The following CEP63 variants were observed in gnomAD, a reference collection of about 807,000 sequenced individuals.
CEP63 encodes centrosomal protein 63, also known as centrosomal protein of 63 kDa.
In CEP63, 84 loss-of-function variants were observed where a neutral mutation model predicts 89.1. That is an observed-to-expected ratio of 0.94 (90% CI 0.79 to 1.13). The LOEUF (loss-of-function observed/expected upper bound fraction) is 1.13, where lower values mean the gene tolerates loss of function less well. Ranked by LOEUF, CEP63 falls within the 50% of genes most tolerant of loss-of-function variation. The pLI, the probability that CEP63 is intolerant of heterozygous loss-of-function variation, is 0.00. For missense variants in CEP63, 838 were observed against 813.3 expected (o/e 1.03, Z -0.37); for synonymous variants, 267 against 272.5 (o/e 0.98, Z 0.20).
intron 2 of CEP63, 107 bp from the exon 3 acceptor site, chr3:134,507,002 A>G (rs1943626400): frequency 1.4e-6 from 1 of 708,906 alleles, no homozygotes; most frequent in Non-Finnish European, 2.5e-6. Context: ...ATGTCATTTA[A>G]TTATTTACTT....
At chr3:134,689,246 G>C in the CEP63 span, among the ~76,000 whole-genome samples, 4 of 151,660 alleles carry the variant, frequency 2.6e-5, no homozygotes, top group Non-Finnish European at 5.9e-5. Flanking sequence ...TAGCCAAAAT[G>C]ATGAGGAAGC....
At chr3:134,589,742 G>T (rs778311510), downstream of CEP63, among the ~76,000 whole-genome samples, 22 of 152,158 alleles carry the variant, frequency 1.4e-4, no homozygotes, top group Non-Finnish European at 3.2e-4. Flanking sequence ...CAATCTCATT[G>T]TTGGGTATAT....
chr3:134,764,778 G>C, the CEP63 span, among the ~76,000 whole-genome samples: 1 of 152,172 alleles, frequency 6.6e-6, no homozygotes, highest in Non-Finnish European at 1.5e-5. Context: ...CATCCTTGGA[G>C]CTCTGTTTTA....
chr3:134,646,404 G>C, the CEP63 span, among the ~76,000 whole-genome samples: 1 of 152,140 alleles, frequency 6.6e-6, no homozygotes, highest in African/African-American at 2.4e-5. Context: ...ACTCCAGGGT[G>C]TTGAGACTCC....
At chr3:134,753,726 A>C in the CEP63 span, among the ~76,000 whole-genome samples, 1 of 152,226 alleles carries the variant, frequency 6.6e-6, no homozygotes, top group Middle Eastern at 3.2e-3. Context: ...GGAGGTAGAT[A>C]ATTCTGACGC....
chr3:134,656,174 C>T, the CEP63 span, among the ~76,000 whole-genome samples: 5 of 152,172 alleles, frequency 3.3e-5, no homozygotes, highest in African/African-American at 1.2e-4. Context: ...ATCTGTCCTC[C>T]CAGAGAGGAG....
the CEP63 span, among the ~76,000 whole-genome samples, chr3:134,776,603 T>C: frequency 6.6e-6 from 1 of 152,198 alleles, no homozygotes. Context: ...GGGTCTAGGC[T>C]GGACTAGAAA....
At chr3:134,707,232 CACAT>C in the CEP63 span, among the ~76,000 whole-genome samples, 2 of 152,166 alleles carry the variant, frequency 1.3e-5, no homozygotes, top group African/African-American at 4.8e-5. Flanking sequence ...TAAAAGGAGA[CACAT>C]ACATATGCAA....
chr3:134,575,132 C>T (rs1216641311), downstream of CEP63: 2 of 310,190 alleles, frequency 6.4e-6, no homozygotes, highest in South Asian at 1.6e-4. Flanking sequence ...TCCTTCCTTC[C>T]TTCATCCCTC....
intron 3 of CEP63, chr3:134,510,711 A>G: frequency 1.9e-6 from 1 of 528,022 alleles, no homozygotes; most frequent in Admixed American, 2.5e-5. Context: ...GAACCCAACC[A>G]TCTGTATCTG....
chr3:134,704,920 C>T, the CEP63 span, among the ~76,000 whole-genome samples: 4 of 152,332 alleles, frequency 2.6e-5, no homozygotes, highest in Admixed American at 6.5e-5. Context: ...AGAGCAGAAT[C>T]AGCTTGATTC....
the CEP63 span, chr3:134,629,579 T>A: frequency 2.0e-6 from 3 of 1,509,116 alleles, no homozygotes; most frequent in Non-Finnish European, 2.7e-6. Context: ...CCTTCAATCC[T>A]CTCTGCCAGC....
At chr3:134,674,775 A>G in the CEP63 span, among the ~76,000 whole-genome samples, 1 of 152,236 alleles carries the variant, frequency 6.6e-6, no homozygotes, top group Non-Finnish European at 1.5e-5. Context: ...TTACCTTAGC[A>G]GTGAACATTC....
At chr3:134,716,732 C>T in the CEP63 span, among the ~76,000 whole-genome samples, 13 of 152,116 alleles carry the variant, frequency 8.5e-5, no homozygotes, top group Admixed American at 3.9e-4. Flanking sequence ...CAACAGCCAC[C>T]CCCCCAATCC....
At chr3:134,569,874 C>T (rs1173228646), downstream of CEP63, among the ~76,000 whole-genome samples, 1 of 152,254 alleles carries the variant, frequency 6.6e-6, no homozygotes, top group Non-Finnish European at 1.5e-5. Flanking sequence ...TCTATACACC[C>T]TCTGAAATCT....
the CEP63 span, among the ~76,000 whole-genome samples, chr3:134,745,748 T>A: frequency 6.6e-6 from 1 of 151,774 alleles, no homozygotes; most frequent in African/African-American, 2.4e-5. Context: ...GTGTTCTCAT[T>A]GTTCAATTCC....
At chr3:134,748,395 T>C in the CEP63 span, among the ~76,000 whole-genome samples, 1 of 152,158 alleles carries the variant, frequency 6.6e-6, no homozygotes, top group Admixed American at 6.5e-5. Flanking sequence ...GAACTCATTC[T>C]ACACATGATA....
chr3:134,661,176 C>T, the CEP63 span, among the ~76,000 whole-genome samples: 1 of 152,198 alleles, frequency 6.6e-6, no homozygotes, highest in Non-Finnish European at 1.5e-5. Context: ...GTGCTTCTGT[C>T]CATCTATTTA....
the CEP63 span, among the ~76,000 whole-genome samples, chr3:134,661,146 C>T: frequency 3.3e-5 from 5 of 152,314 alleles, no homozygotes; most frequent in Non-Finnish European, 5.9e-5. Context: ...CTGCCCAGCC[C>T]AAAGCCAGCC....
Sources: gnomAD v4.1 joint callset for allele counts (sites outside exome capture counted in the v4.1 genomes callset) on GRCh38, gnomAD v4.1.1 for gene constraint, MANE v1.5 for transcripts, NCBI Gene and HGNC (gene_info 2026-07-23, HGNC 2026-07-21) for gene names.